AKR1D1: variants seen among roughly 807,000 people sequenced by gnomAD.
AKR1D1 encodes the protein aldo-keto reductase family 1 member D1.
In AKR1D1, 32 loss-of-function variants were observed where a neutral mutation model predicts 42.6. That is an observed-to-expected ratio of 0.75 (90% CI 0.57 to 1.01). The LOEUF (loss-of-function observed/expected upper bound fraction) is 1.01, where lower values mean the gene tolerates loss of function less well. Among genes scored for constraint, AKR1D1 ranks in the 50% least tolerant of loss-of-function variants. AKR1D1 has a pLI of 0.00. For missense variants in AKR1D1, 364 were observed against 402.2 expected, an observed-to-expected ratio of 0.91 and a Z score of 0.81; for synonymous variants, 123 against 135.5, an observed-to-expected ratio of 0.91 and a Z score of 0.64.
intron 1 of AKR1D1, among the ~76,000 whole-genome samples, chr7:138,083,574 A>G (rs1017388815): frequency 1.3e-5 from 2 of 152,122 alleles, no homozygotes; most frequent in African/African-American, 4.8e-5. Context: ...TTTTCTGTGC[A>G]GAGGCTTTTT....
intron 7 of AKR1D1, among the ~76,000 whole-genome samples, chr7:138,113,285 C>T (rs1055660867): frequency 2.0e-5 from 3 of 150,670 alleles, no homozygotes; most frequent in African/African-American, 7.4e-5. Context: ...CACAGCACTC[C>T]AGCCTGGGTG....
chr7:138,085,125 A>G (rs1803146062), intron 1 of AKR1D1, among the ~76,000 whole-genome samples: 1 of 151,252 alleles, frequency 6.6e-6, no homozygotes, highest in African/African-American at 2.4e-5. Context: ...TAGTTCCTCC[A>G]TACTGATGAG....
At chr7:138,083,916 T>C (rs1803109024) in intron 1 of AKR1D1, among the ~76,000 whole-genome samples, 1 of 152,170 alleles carries the variant, frequency 6.6e-6, no homozygotes, top group African/African-American at 2.4e-5. Flanking sequence ...TGCAGGTTAA[T>C]ACTACTTTTA....
At chr7:138,102,649 G>T (rs1357576276) in intron 4 of AKR1D1, among the ~76,000 whole-genome samples, 2 of 152,182 alleles carry the variant, frequency 1.3e-5, no homozygotes, top group Non-Finnish European at 2.9e-5. Flanking sequence ...TGCCATATTA[G>T]CATAAAGAGG....
intron 1 of AKR1D1, among the ~76,000 whole-genome samples, chr7:138,080,304 AAGCAACT>A (rs1803026493): frequency 6.6e-6 from 1 of 152,120 alleles, no homozygotes; most frequent in African/African-American, 2.4e-5. Context: ...TCCTGAACTC[AAGCAACT>A]CTCCCACCTT....
chr7:138,098,589 G>A (rs184405940), intron 4 of AKR1D1, among the ~76,000 whole-genome samples: 103 of 152,280 alleles, frequency 6.8e-4, no homozygotes, highest in Admixed American at 2.7e-3. Context: ...CAGCCTGGGC[G>A]ACAGAGCAAG....
chr7:138,098,151 C>A, intron 4 of AKR1D1: 2 of 516,980 alleles, frequency 3.9e-6, no homozygotes, highest in East Asian at 3.1e-5. Flanking sequence ...GCTGGAATGC[C>A]AAAGAAAAGA....
At chr7:138,084,256 C>CTTT (rs34809975) in intron 1 of AKR1D1, among the ~76,000 whole-genome samples, 72,698 of 134,358 alleles carry the variant, frequency 0.54, 20,060 homozygotes, top group Middle Eastern at 0.6. Context: ...TTTAATCTAG[C>CTTT]TTTTTTTTTT....
At chr7:138,106,166 G>A (rs926642148) in intron 5 of AKR1D1, among the ~76,000 whole-genome samples, 1 of 152,160 alleles carries the variant, frequency 6.6e-6, no homozygotes, top group Non-Finnish European at 1.5e-5. Context: ...GCTAGTGAGT[G>A]CAAATTGGTT....
intron 3 of AKR1D1, among the ~76,000 whole-genome samples, chr7:138,093,652 C>T (rs975303799): frequency 1.3e-5 from 2 of 151,962 alleles, no homozygotes; most frequent in African/African-American, 4.8e-5. Flanking sequence ...ACCTGCCTGG[C>T]GTTTTTTTAC....
At chr7:138,089,350 C>CA (rs34727188) in intron 2 of AKR1D1, among the ~76,000 whole-genome samples, 20,385 of 122,162 alleles carry the variant, frequency 0.17, 1,435 homozygotes, top group South Asian at 0.22. Context: ...GACCCTCTCT[C>CA]AAAAAAAAAA....
intron 4 of AKR1D1, 26 bp downstream of exon 4, chr7:138,097,969 T>A (rs1043597782): frequency 2.9e-5 from 44 of 1,518,054 alleles, no homozygotes; most frequent in Non-Finnish European, 3.9e-5. Context: ...CTTCTTATTT[T>A]AAAAGACGAT....
intron 7 of AKR1D1, among the ~76,000 whole-genome samples, chr7:138,108,668 T>C (rs1411847019): frequency 1.3e-5 from 2 of 152,146 alleles, no homozygotes; most frequent in African/African-American, 4.8e-5. Flanking sequence ...GAGGGTGCTA[T>C]GAGGAGATGT....
At chr7:138,088,795 G>A in intron 2 of AKR1D1, 27 bp downstream of exon 2, 1 of 1,570,282 alleles carries the variant, frequency 6.4e-7, no homozygotes, top group Non-Finnish European at 8.6e-7. Flanking sequence ...AGCCTCCACT[G>A]GGGACAGTGA....
chr7:138,116,760 C>A lies in AKR1D1; in HGVS notation c.*98C>A. 9.0e-7 allele frequency: 1 copy of A among 1,110,762 alleles called. No homozygotes were observed. The highest frequency in any genetic ancestry group is 1.3e-5 in the South Asian group (1 of 77,552). The allele number at this position is 1,110,762 out of a possible 1,614,324, so 68.8% of individuals were successfully genotyped here. On this transcript the variant is annotated 3_prime_UTR_variant, in exon 9 of 9. Transcript: ENST00000242375. ...GTGAAAATGAAGAGAGAGGGTTTTA[C>A]CATCCTGAGAAGAAATAATGATGGA... is the stretch of plus-strand genomic sequence containing the variant.
chr7:138,106,571 T>G (rs1418019177), intron 5 of AKR1D1, 37 bp from the exon 6 acceptor site: 37 of 1,545,448 alleles, frequency 2.4e-5, no homozygotes, highest in Admixed American at 6.7e-5. Context: ...CAACGTGGCC[T>G]TGATTTTGTG....
chr7:138,104,907 G>T (rs1585737389), intron 4 of AKR1D1, among the ~76,000 whole-genome samples: 1 of 151,340 alleles, frequency 6.6e-6, no homozygotes, highest in Non-Finnish European at 1.5e-5. Flanking sequence ...CTACAGGCAT[G>T]CACCACCATG....
chr7:138,110,507 C>A (rs1209167334), intron 7 of AKR1D1, among the ~76,000 whole-genome samples: 1 of 152,094 alleles, frequency 6.6e-6, no homozygotes, highest in Non-Finnish European at 1.5e-5. Flanking sequence ...AATCCCAGCA[C>A]CTTGGGAGGC....
Position 138,076,617 on chromosome 7 carries a change from C to T in AKR1D1, c.93+6C>T, listed in dbSNP as rs748847040. 2 of 1,600,436 alleles carry T rather than the reference C, an allele frequency of 1.2e-6. No homozygotes were observed. The highest frequency in any genetic ancestry group is 1.3e-5 in the African/African-American group (1 of 74,688). Reference sequence around the variant, plus strand: ...CCTACTCAGAACCTAAATCGGTAAGCTTATTTTTTCTCTCTTTGCTTGCTT... The same window carrying T: ...CCTACTCAGAACCTAAATCGGTAAGTTTATTTTTTCTCTCTTTGCTTGCTT... On this transcript the variant is annotated splice_donor_region_variant and intron_variant, in intron 1 of 8. Transcript: ENST00000242375.
Sources: allele counts gnomAD v4.1 joint callset (sites outside exome capture counted in the v4.1 genomes callset), GRCh38; gene constraint gnomAD v4.1.1; transcripts MANE v1.5; gene names NCBI Gene and HGNC (gene_info 2026-07-23, HGNC 2026-07-21).